Variants in RAPGEF6 observed in about 807,000 individuals in gnomAD.
RAPGEF6 encodes the protein PDZ domain containing guanine nucleotide exchange factor (GEF) 2.
In RAPGEF6, 56 loss-of-function variants were observed where a neutral mutation model predicts 171.4. That is an observed-to-expected ratio of 0.33 (90% CI 0.26 to 0.41). The LOEUF (loss-of-function observed/expected upper bound fraction) is 0.41. RAPGEF6 is among the 10% of genes least tolerant of loss of function. The pLI, the probability that RAPGEF6 is intolerant of heterozygous loss-of-function variation, is 1.00. For missense variants in RAPGEF6, 1,674 were observed against 1,921.4 expected (o/e 0.87, Z 2.41); for synonymous variants, 692 against 650.1 (o/e 1.06, Z -0.98).
At chr5:131,446,458 C>T in intron 22 of RAPGEF6, 25 bp downstream of exon 22, 1 of 1,585,284 alleles carries the variant, frequency 6.3e-7, no homozygotes. Flanking sequence ...TCTTTAGCGT[C>T]ACATAAATGA....
intron 6 of RAPGEF6, among the ~76,000 whole-genome samples, chr5:131,529,746 A>G (rs1406354982): frequency 6.6e-6 from 1 of 152,110 alleles, no homozygotes; most frequent in African/African-American, 2.4e-5. Flanking sequence ...CCTTGTCTCT[A>G]CAAAAAAATT....
intron 4 of RAPGEF6, among the ~76,000 whole-genome samples, chr5:131,588,358 T>C (rs572205296): frequency 3.3e-5 from 5 of 152,286 alleles, no homozygotes; most frequent in African/African-American, 1.2e-4. Context: ...CTGCACAAAA[T>C]GTAGGCAAGA....
intron 8 of RAPGEF6, among the ~76,000 whole-genome samples, chr5:131,508,905 T>C (rs886688721): frequency 2.0e-5 from 3 of 152,182 alleles, no homozygotes; most frequent in South Asian, 2.1e-4. Context: ...ATCAGTAAAA[T>C]TGCACTTTCA....
intron 9 of RAPGEF6, among the ~76,000 whole-genome samples, chr5:131,507,610 T>A (rs914368690): frequency 5.9e-5 from 9 of 152,160 alleles, no homozygotes; most frequent in African/African-American, 2.2e-4. Flanking sequence ...GCTTCAACTG[T>A]CAGCAGTTCC....
chr5:131,489,577 A>G lies in RAPGEF6; in HGVS notation c.1809T>C (p.His603=). ...KAVEILRNNT[H]LALTVKTNIF... is the part of the protein sequence containing the mutation. ...TGTTGGTCTTCACAGTAAGTGCAAG[A>G]TGAGTATTATTCCTCAAAATTTCAA... Residue 603 remains histidine (H), a synonymous_variant, in exon 15 of 28, where the codon CAT becomes CAC. Transcript: ENST00000509018. 6.3e-7 allele frequency: 1 copy of G among 1,598,078 alleles called. No individual in the cohort carries two copies. Among genetic ancestry groups the G allele is most frequent in the Non-Finnish European group, 8.5e-7 (1 of 1,173,238 alleles).
chr5:131,470,073 C>T lies in RAPGEF6; in HGVS notation c.2239+2514G>A, dbSNP rs2149844751. 2.0e-5 allele frequency among the ~76,000 whole-genome samples: 3 copies of T among 152,094 alleles called. No individual in the cohort carries two copies. The East Asian group carries it at 5.8e-4, about 29-fold the overall frequency. Reference sequence around the variant, plus strand: ...CATAAGAAGCTGAATTTGGAATTAACTGGGAATTGATGTTTTTTTCAATCC... The same window carrying T: ...CATAAGAAGCTGAATTTGGAATTAATTGGGAATTGATGTTTTTTTCAATCC... On this transcript the variant is annotated intron_variant, in intron 17 of 27. Coordinates refer to ENST00000509018, the MANE Select transcript of RAPGEF6 (RefSeq NM_016340.6).
At chr5:131,612,001 C>T (rs182936369) in intron 1 of RAPGEF6, among the ~76,000 whole-genome samples, 30 of 152,108 alleles carry the variant, frequency 2.0e-4, no homozygotes, top group African/African-American at 5.8e-4. Context: ...GATGCAAAAG[C>T]GATATGCATT....
chr5:131,479,865 A>C, intron 15 of RAPGEF6, 112 bp from the exon 16 acceptor site: 9 of 1,126,810 alleles, frequency 8.0e-6, no homozygotes, highest in Non-Finnish European at 1.1e-5. Flanking sequence ...GAACTTTCTC[A>C]GTCTCATTCA....
intron 1 of RAPGEF6, among the ~76,000 whole-genome samples, chr5:131,629,287 C>T (rs959597830): frequency 2.6e-5 from 4 of 151,464 alleles, no homozygotes; most frequent in East Asian, 1.9e-4. Context: ...CAAGACCAGT[C>T]CAGGCAATGT....
chr5:131,607,598 C>T (rs759982552), intron 1 of RAPGEF6, among the ~76,000 whole-genome samples: 21 of 152,200 alleles, frequency 1.4e-4, no homozygotes, highest in Non-Finnish European at 2.2e-4. Flanking sequence ...GGGTGGGGGA[C>T]AGACATCTAA....
In RAPGEF6 at chr5:131,547,821, T is replaced by G. The variant is rs1760651444; in HGVS notation, c.495+226A>C. ...ACTGCACCCAGCCTAATAACTTTTT[T>G]CACTATTTAAACAACAACAAAAAAG... On this transcript the variant is annotated intron_variant, in intron 6 of 27. Coordinates refer to ENST00000509018, the MANE Select transcript of RAPGEF6 (RefSeq NM_016340.6). 2.0e-5 allele frequency among the ~76,000 whole-genome samples: 3 copies of G among 152,152 alleles called. No individual in the cohort carries two copies. In the South Asian group the frequency reaches 6.2e-4, roughly 32 times the overall value.
chr5:131,533,852 T>A (rs1015902453), intron 6 of RAPGEF6, among the ~76,000 whole-genome samples: 3 of 151,832 alleles, frequency 2.0e-5, no homozygotes, highest in African/African-American at 7.3e-5. Flanking sequence ...GAGTGTGGAC[T>A]AAAAAAAATT....
chr5:131,577,307 C>A (rs531321450), intron 4 of RAPGEF6, among the ~76,000 whole-genome samples: 2 of 152,316 alleles, frequency 1.3e-5, no homozygotes, highest in East Asian at 3.9e-4. Flanking sequence ...AACTAATGGT[C>A]TTTTAAAAAC....
Position 131,433,572 on chromosome 5 carries a change from T to C in RAPGEF6, c.3832A>G (p.Asn1278Asp). 1 of 1,613,708 alleles carries C rather than the reference T, an allele frequency of 6.2e-7. No individual in the cohort carries two copies. The highest frequency in any genetic ancestry group is 8.5e-7 in the Non-Finnish European group (1 of 1,179,658). Residue 1278 changes from asparagine to aspartate, a missense_variant, in exon 25 of 28, where the codon AAT becomes GAT. By Grantham distance (23) the Asn-to-Asp change is conservative. This residue lies in a region of RAPGEF6 where 552 missense variants were observed against 574.2 expected (regional missense o/e 0.96). Transcript: ENST00000509018. ...EISSRSSIVSNCSVDSMSAAL... is the reference protein window; with the variant it reads ...EISSRSSIVSDCSVDSMSAAL... ...GCAGACATGGAGTCAACAGAACAATTGCTCACGATGCTGGACCGTGAAGAA... is the reference window on the plus strand; with the variant it reads ...GCAGACATGGAGTCAACAGAACAATCGCTCACGATGCTGGACCGTGAAGAA...
intron 3 of RAPGEF6, among the ~76,000 whole-genome samples, chr5:131,600,617 GAGAGA>G (rs1764181203): frequency 6.7e-6 from 1 of 150,354 alleles, no homozygotes; most frequent in Non-Finnish European, 1.5e-5. Context: ...GAGAGAAGAG[GAGAGA>G]AGAGGAGAGG....
At chr5:131,428,450 A>C (rs1561455661) in intron 27 of RAPGEF6, among the ~76,000 whole-genome samples, 2 of 150,722 alleles carry the variant, frequency 1.3e-5, no homozygotes, top group East Asian at 3.9e-4. Context: ...CCCCCATACT[A>C]TATTTAGGAA....
chr5:131,518,530 T>C (rs748764027), intron 7 of RAPGEF6, among the ~76,000 whole-genome samples: 2 of 152,038 alleles, frequency 1.3e-5, no homozygotes, highest in Non-Finnish European at 2.9e-5. Flanking sequence ...CCTGAGTAGC[T>C]GGGATTACAG....
At chr5:131,602,976 C>T (rs1176562263) in intron 3 of RAPGEF6, among the ~76,000 whole-genome samples, 1 of 152,118 alleles carries the variant, frequency 6.6e-6, no homozygotes, top group African/African-American at 2.4e-5. Context: ...GCAAAACTAA[C>T]CTACAGTGAT....
chr5:131,517,155 A>G (rs1296338590), intron 7 of RAPGEF6, among the ~76,000 whole-genome samples: 1 of 152,124 alleles, frequency 6.6e-6, no homozygotes, highest in Non-Finnish European at 1.5e-5. Flanking sequence ...AAAACCACCG[A>G]ATGGGTATTA....
Sources: gnomAD v4.1 joint callset for allele counts (sites outside exome capture counted in the v4.1 genomes callset) on GRCh38, gnomAD v4.1.1 for gene constraint, gnomAD v4.1.1 regional missense constraint, MANE v1.5 for transcripts, NCBI Gene and HGNC (gene_info 2026-07-23, HGNC 2026-07-21) for gene names.